Variants in XRCC3 observed in about 807,000 individuals in gnomAD.
XRCC3 encodes X-ray repair cross complementing 3, also known as DNA repair protein XRCC3.
Under a neutral mutation model 29.2 loss-of-function variants are expected in XRCC3, and 34 were observed. The observed-to-expected ratio is 1.16, with a 90% confidence interval of 0.88 to 1.55. The LOEUF is 1.55. XRCC3 is among the 40% of genes most tolerant of loss of function. The pLI is 0.00. For missense variants in XRCC3, 463 were observed against 467.6 expected (o/e 0.99, Z 0.09); for synonymous variants, 223 against 211.3 (o/e 1.06, Z -0.48).
intron 5 of XRCC3, chr14:103,708,238 C>A: frequency 2.0e-6 from 1 of 489,236 alleles, no homozygotes; most frequent in East Asian, 3.9e-5. Flanking sequence ...GTGCTGACTG[C>A]CAAATCCACC....
In XRCC3 at chr14:103,698,393, AGG is replaced by A; in HGVS notation, c.*403_*404del. ...CCTCGTGGGCACGGTCCCAAGGCTGAGGGGGTCTGAGGCCCCAGCCCAGGGGG... is the reference window on the plus strand; with the variant it reads ...CCTCGTGGGCACGGTCCCAAGGCTGAGGGTCTGAGGCCCCAGCCCAGGGGG... On this transcript the variant is annotated 3_prime_UTR_variant, in exon 10 of 10. Coordinates refer to ENST00000555055, the MANE Select transcript of XRCC3 (RefSeq NM_005432.4). The A allele has an allele frequency of 6.9e-6, 2 of 289,710 alleles. No homozygotes were observed. Among genetic ancestry groups the A allele is most frequent in the South Asian group, 6.7e-5 (2 of 30,074 alleles). 17.9% of individuals were successfully genotyped at this position (289,710 alleles called of 1,614,324 possible). A position where few individuals can be genotyped will look rare whatever the true frequency, so the allele number is the denominator to read the frequency against.
chr14:103,698,740 G>A lies in XRCC3; in HGVS notation c.*58C>T. On this transcript the variant is annotated 3_prime_UTR_variant, in exon 10 of 10. Coordinates refer to ENST00000555055, the MANE Select transcript of XRCC3 (RefSeq NM_005432.4). ...CGGCCCAGGCAGACGCGTTTTAAAG[G>A]CCCGAGCCCCGTGTGTCGGGGCTTC... 1 of 1,492,438 alleles carries A rather than the reference G, an allele frequency of 6.7e-7. No homozygotes were observed. Among genetic ancestry groups the A allele is most frequent in the Non-Finnish European group, 9.1e-7 (1 of 1,095,482 alleles). 92.4% of individuals were successfully genotyped at this position (1,492,438 alleles called of 1,614,324 possible).
intron 4 of XRCC3, chr14:103,710,260 T>A (rs990811848): frequency 6.6e-6 from 1 of 152,334 alleles, no homozygotes; most frequent in Non-Finnish European, 1.5e-5. Flanking sequence ...ACAGCTGATG[T>A]CACCCAAACT....
Position 103,698,969 on chromosome 14 carries a change from G to T in XRCC3, c.870C>A (p.Asn290Lys). 6.3e-7 allele frequency: 1 copy of T among 1,599,234 alleles called. No homozygotes were observed. Among genetic ancestry groups the T allele is most frequent in the South Asian group, 1.1e-5 (1 of 88,878 alleles). The change falls in exon 10 of 10, where the codon AAC becomes AAA. Residue 290 changes from asparagine (N) to lysine (K), a missense_variant. Physicochemically the swap from Asn to Lys is moderately conservative, Grantham distance 94 (BLOSUM62 0). Coordinates refer to ENST00000555055, the MANE Select transcript of XRCC3 (RefSeq NM_005432.4). ...CAGCCAGCAGTCTCACCAGGAGCTG[G>T]TTAGCCCAGGTTATGCCAAGGGCTG... Reference protein sequence around the residue: ...VSPALGITWANQLLVRLLADR... With the variant: ...VSPALGITWAKQLLVRLLADR...
intron 6 of XRCC3, chr14:103,706,600 C>T (rs927176516): frequency 4.8e-5 from 18 of 375,374 alleles, no homozygotes; most frequent in Middle Eastern, 6.5e-4. Context: ...CTCACGGGGC[C>T]GCGCCAGGAG....
At position 103,708,667 on chromosome 14, in the gene XRCC3, AAC is replaced by A; in HGVS notation, c.56-10_56-9del. 2 of 1,614,130 alleles carry A rather than the reference AAC, an allele frequency of 1.2e-6. No individual in the cohort carries two copies. The highest frequency in any genetic ancestry group is 2.2e-5 in the East Asian group (1 of 44,880). The stretch of plus-strand genomic sequence containing the variant: ...TTACCGATTTCAGTTTGGCTGAAAT[AAC>A]ACAGATAAATTACAGGAAAATGTCA... On this transcript the variant is annotated splice_polypyrimidine_tract_variant and intron_variant, in intron 4 of 9. Transcript: ENST00000555055.
chr14:103,703,648 C>G, intron 6 of XRCC3: 1 of 399,290 alleles, frequency 2.5e-6, no homozygotes, highest in Non-Finnish European at 4.8e-6. Context: ...GCCCCTCCTT[C>G]CCCCTGTGAA....
At position 103,703,292 on chromosome 14, in the gene XRCC3, G is replaced by T; in HGVS notation, c.442C>A (p.His148Asn). ...VYICTEDAFP[H>N]KRLQQLMAQQ... Reference sequence around the variant, plus strand: ...GCCATGAGCTGCTGCAGGCGCTTGTGCGGGAAGGCGTCTTCCGTGCAGATG... The same window carrying T: ...GCCATGAGCTGCTGCAGGCGCTTGTTCGGGAAGGCGTCTTCCGTGCAGATG... The change falls in exon 7 of 10, where the codon CAC becomes AAC. Residue 148 changes from histidine (H) to asparagine (N), a missense_variant. Transcript: ENST00000555055. The T allele has an allele frequency of 6.4e-7, 1 of 1,556,116 alleles. No individual in the cohort carries two copies.
chr14:103,711,490 G>A lies in XRCC3; in HGVS notation c.-183C>T, dbSNP rs564381445. On this transcript the variant is annotated 5_prime_UTR_variant, in exon 3 of 10. Coordinates refer to ENST00000555055, the MANE Select transcript of XRCC3 (RefSeq NM_005432.4). ...CCTCTCTGGGGCTTGGGGATGACCC[G>A]CGTGTTTTTGGCTGACTTGACTGAG... 11 of 475,054 alleles carry A rather than the reference G, an allele frequency of 2.3e-5. No individual in the cohort carries two copies. The highest frequency in any genetic ancestry group is 7.0e-5 in the Admixed American group (3 of 43,100). 29.4% of individuals were successfully genotyped at this position (475,054 alleles called of 1,614,324 possible). A position where few individuals can be genotyped will look rare whatever the true frequency, so the allele number is the denominator to read the frequency against.
At chr14:103,701,181 C>CCTT (rs2083169420) in intron 7 of XRCC3, 1 of 1,550,616 alleles carries the variant, frequency 6.4e-7, no homozygotes, top group South Asian at 1.2e-5. Flanking sequence ...CCAGCCCTGA[C>CCTT]CTTCTATCTT....
chr14:103,707,808 GC>G (rs1362461119), intron 5 of XRCC3: 6 of 190,148 alleles, frequency 3.2e-5, no homozygotes, highest in Non-Finnish European at 6.6e-5. Flanking sequence ...TGCGCTCTTG[GC>G]CTGGGGCCTG....
Position 103,698,526 on chromosome 14 carries a change from C to T in XRCC3, c.*272G>A. 2 of 515,138 alleles carry T rather than the reference C, an allele frequency of 3.9e-6. No homozygotes were observed. Among genetic ancestry groups the T allele is most frequent in the Non-Finnish European group, 7.1e-6 (2 of 282,328 alleles). The allele number at this position is 515,138 out of a possible 1,614,324, so 31.9% of individuals were successfully genotyped here. Reference sequence around the variant, plus strand: ...CCCAGGCTCCAGCCCTGAGAATCACCTCTCCCCAAGGGCCAGCTCAGCAGT... The same window carrying T: ...CCCAGGCTCCAGCCCTGAGAATCACTTCTCCCCAAGGGCCAGCTCAGCAGT... On this transcript the variant is annotated 3_prime_UTR_variant, in exon 10 of 10. Coordinates refer to ENST00000555055, the MANE Select transcript of XRCC3 (RefSeq NM_005432.4).
chr14:103,715,029 A>G (rs1351028474), intron 1 of XRCC3, among the ~76,000 whole-genome samples: 1 of 152,092 alleles, frequency 6.6e-6, no homozygotes, highest in African/African-American at 2.4e-5. Context: ...AACTGTTCAG[A>G]CCTCTCCCAC....
At chr14:103,708,446 C>T (rs985202467) in intron 5 of XRCC3, 76 bp downstream of exon 5, 23 of 1,602,722 alleles carry the variant, frequency 1.4e-5, no homozygotes, top group South Asian at 5.5e-5. Context: ...GTCTGCACAG[C>T]CCCTGCCCTG....
rs770137120 is a variant in XRCC3 at position 103,698,863 on chromosome 14, AG to A, written c.975del (p.Ser326ProfsTer43). 4 of 1,606,990 alleles carry A rather than the reference AG, an allele frequency of 2.5e-6. No individual in the cohort carries two copies. The highest frequency in any genetic ancestry group is 1.1e-5 in the South Asian group (1 of 89,882). Reference protein sequence around the residue: ...LRVLSAPHLPPSSCSYTISAE... With the variant: ...LRVLSAPHLPXSSCSYTISAE... ...GCACTGATCGTGTAGGAACAGGAGG[AG>A]GGGGGCAGGTGGGGGGCAGAGAGCA... On this transcript the variant is annotated frameshift_variant, in exon 10 of 10. Coordinates refer to ENST00000555055, the MANE Select transcript of XRCC3 (RefSeq NM_005432.4). LOFTEE classifies it low-confidence loss of function (END_TRUNC).
At chr14:103,702,981 T>C in intron 7 of XRCC3, 192 bp downstream of exon 7, 1 of 825,006 alleles carries the variant, frequency 1.2e-6, no homozygotes, top group Non-Finnish European at 1.9e-6. Context: ...TGCCAGTTCC[T>C]CTCAGTCACT....
intron 6 of XRCC3, chr14:103,704,004 A>G (rs861532): frequency 6.5e-6 from 1 of 154,740 alleles, no homozygotes; most frequent in Non-Finnish European, 1.4e-5. Flanking sequence ...CAAGAGAAAG[A>G]ACGTCCACCG....
intron 5 of XRCC3, 53 bp downstream of exon 5, chr14:103,708,469 C>T: frequency 6.2e-7 from 1 of 1,610,506 alleles, no homozygotes; most frequent in South Asian, 1.1e-5. Flanking sequence ...CCACTGGGAC[C>T]ATGATGCTGG....
At chr14:103,701,102 T>G in intron 7 of XRCC3, 1 of 1,437,794 alleles carries the variant, frequency 7.0e-7, no homozygotes, top group African/African-American at 1.4e-5. Context: ...CTAGGCAGAC[T>G]TGGGGTGGGG....
Sources: gnomAD v4.1 joint callset for allele counts (sites outside exome capture counted in the v4.1 genomes callset) on GRCh38, gnomAD v4.1.1 for gene constraint, MANE v1.5 for transcripts, NCBI Gene and HGNC (gene_info 2026-07-23, HGNC 2026-07-21) for gene names.